Variants in CAPRIN1 observed in about 807,000 individuals in gnomAD.
CAPRIN1 encodes the protein cell cycle associated protein 1.
In CAPRIN1, 29 loss-of-function variants were observed where a neutral mutation model predicts 100.9. That is an observed-to-expected ratio of 0.29 (90% CI 0.21 to 0.39). The LOEUF is 0.39. Ranked by LOEUF, CAPRIN1 falls within the 10% of genes least tolerant of loss-of-function variation. CAPRIN1 has a pLI of 1.00. For synonymous variants in CAPRIN1, 338 were observed against 307.5 expected, an observed-to-expected ratio of 1.10 and a Z score of -1.04; for missense variants, 795 against 876.7, an observed-to-expected ratio of 0.91 and a Z score of 1.18.
chr11:34,056,774 C>T (rs192362858), intron 2 of CAPRIN1, among the ~76,000 whole-genome samples: 2 of 152,224 alleles, frequency 1.3e-5, no homozygotes, highest in East Asian at 1.9e-4. Flanking sequence ...TTGTTATATT[C>T]TTTGTGAATA....
intron 2 of CAPRIN1, chr11:34,055,761 C>A (rs1850436543): frequency 6.6e-6 from 1 of 152,088 alleles, no homozygotes; most frequent in Non-Finnish European, 1.5e-5. Context: ...TTTCTGTCTT[C>A]TCAGTGTTTT....
chr11:34,074,376 T>A (rs1485400134), intron 4 of CAPRIN1, among the ~76,000 whole-genome samples: 1 of 152,244 alleles, frequency 6.6e-6, no homozygotes, highest in Non-Finnish European at 1.5e-5. Context: ...TTATCTTTGA[T>A]CCTTTGGTAT....
intron 9 of CAPRIN1, among the ~76,000 whole-genome samples, chr11:34,085,505 C>T (rs1161796736): frequency 6.6e-6 from 1 of 152,146 alleles, no homozygotes; most frequent in Non-Finnish European, 1.5e-5. Flanking sequence ...TTGAAAGCAG[C>T]TTATAAAATA....
At chr11:34,067,776 G>A (rs1239753841) in intron 2 of CAPRIN1, among the ~76,000 whole-genome samples, 1 of 152,172 alleles carries the variant, frequency 6.6e-6, no homozygotes, top group Non-Finnish European at 1.5e-5. Flanking sequence ...TGGGATTGCA[G>A]GCCTGAGCAA....
rs769545592 is a variant in CAPRIN1 at position 34,071,945 on chromosome 11, T to C, written c.324T>C (p.Phe108=). 9 of 1,613,382 alleles carry C rather than the reference T, an allele frequency of 5.6e-6. No homozygotes were observed. Among genetic ancestry groups the C allele is most frequent in the Non-Finnish European group, 5.1e-6 (6 of 1,179,624 alleles). Residue 108 remains phenylalanine, a synonymous_variant, in exon 4 of 19, where the codon TTT becomes TTC. Transcript: ENST00000341394. ...KYQEVTNNLE[F]AKELQRSFMA... ...AGGAAGTCACAAATAATTTGGAGTT[T>C]GCAAAAGAATTACAGAGGAGTTTCA...
At chr11:34,074,449 C>T (rs987361532) in intron 4 of CAPRIN1, among the ~76,000 whole-genome samples, 1 of 152,218 alleles carries the variant, frequency 6.6e-6, no homozygotes, top group Non-Finnish European at 1.5e-5. Flanking sequence ...AGCCTGGCTC[C>T]AGCCTACCTT....
At chr11:34,056,130 A>G (rs1054652523) in intron 2 of CAPRIN1, among the ~76,000 whole-genome samples, 2 of 152,180 alleles carry the variant, frequency 1.3e-5, no homozygotes, top group Admixed American at 1.3e-4. Flanking sequence ...GTGAGGTACT[A>G]TTTACAATTA....
At chr11:34,059,572 A>G (rs1850530392) in intron 2 of CAPRIN1, among the ~76,000 whole-genome samples, 1 of 152,128 alleles carries the variant, frequency 6.6e-6, no homozygotes, top group Non-Finnish European at 1.5e-5. Flanking sequence ...TTAACCTTAC[A>G]TGTTTTTCTA....
intron 18 of CAPRIN1, chr11:34,098,618 A>AT (rs1851406071): frequency 1.7e-5 from 17 of 985,274 alleles, no homozygotes; most frequent in Non-Finnish European, 2.0e-5. Context: ...AAAAAGGTAC[A>AT]TTTTTCTAAA....
At chr11:34,061,219 T>TTTTTA (rs1254352421) in intron 2 of CAPRIN1, among the ~76,000 whole-genome samples, 7 of 148,656 alleles carry the variant, frequency 4.7e-5, no homozygotes, top group Non-Finnish European at 1.0e-4. Context: ...TTTTTTTTTT[T>TTTTTA]TTTTGAGATG....
chr11:34,055,667 A>G (rs988436022), intron 2 of CAPRIN1: 24 of 152,218 alleles, frequency 1.6e-4, no homozygotes, highest in African/African-American at 5.3e-4. Flanking sequence ...TAATTATTAC[A>G]TAGGTTATTA....
rs1302650308 is a variant in CAPRIN1, at chr11:34,097,274, G to A, written c.1979G>A (p.Arg660Gln). 7.4e-6 allele frequency: 12 copies of A among 1,613,006 alleles called. No homozygotes were observed. The highest frequency in any genetic ancestry group is 2.2e-5 in the East Asian group (1 of 44,878). ...ACACAGTCTCAGTTCAGTGCTCCCC[G>A]GGATTACTCTGGCTATCAACGGGTA... ...GYTQSQFSAP[R>Q]DYSGYQRDGY... The change falls in exon 17 of 19, where the codon CGG becomes CAG. Residue 660 changes from arginine to glutamine, a missense_variant. By Grantham distance (43) the Arg-to-Gln change is conservative. Coordinates refer to ENST00000341394, the MANE Select transcript of CAPRIN1 (RefSeq NM_005898.5).
chr11:34,098,988 A>T (rs1414491907), intron 18 of CAPRIN1: 2 of 1,217,200 alleles, frequency 1.6e-6, no homozygotes, highest in Non-Finnish European at 2.1e-6. Flanking sequence ...TCTCTGCTGT[A>T]TCTATTCCCA....
intron 18 of CAPRIN1, 108 bp downstream of exon 18, chr11:34,097,869 T>C (rs1851395998): frequency 1.3e-6 from 2 of 1,554,714 alleles, no homozygotes; most frequent in East Asian, 2.3e-5. Flanking sequence ...CTTTCCAGAC[T>C]TGTTGCTAGG....
intron 2 of CAPRIN1, chr11:34,053,507 C>G (rs1199355602): frequency 6.6e-6 from 1 of 152,204 alleles, no homozygotes; most frequent in Non-Finnish European, 1.5e-5. Flanking sequence ...AAGCGCTTTA[C>G]TGGAGCTGCA....
chr11:34,086,359 C>A lies in CAPRIN1; in HGVS notation c.1177C>A (p.Gln393Lys). The change falls in exon 11 of 19, where the codon CAG becomes AAG. Residue 393 changes from glutamine (Q) to lysine (K), a missense_variant. Transcript: ENST00000341394. ...QTLDPAIVSA[Q>K]PMNPTQNMDM... ...ACTTGATCCTGCCATTGTATCTGCA[C>A]AGCCTATGAATCCAACACAAAACAT... is the stretch of plus-strand genomic sequence containing the variant. The A allele has an allele frequency of 6.2e-7, 1 of 1,613,990 alleles. No homozygotes were observed. Among genetic ancestry groups the A allele is most frequent in the Non-Finnish European group, 8.5e-7 (1 of 1,179,916 alleles).
In CAPRIN1 at chr11:34,089,377, T is replaced by C; in HGVS notation, c.1232-18T>C. On this transcript the variant is annotated intron_variant, in intron 11 of 18. Coordinates refer to ENST00000341394, the MANE Select transcript of CAPRIN1 (RefSeq NM_005898.5). ...AATTTAATTTTGTTTGACAAAAATG[T>C]TTTGGTCACCTTTGCAGTTCATTCT... 6.4e-7 allele frequency: 1 copy of C among 1,565,908 alleles called. No homozygotes were observed. Among genetic ancestry groups the C allele is most frequent in the Non-Finnish European group, 8.7e-7 (1 of 1,148,444 alleles).
rs141846137 is a variant in CAPRIN1 at position 34,075,064 on chromosome 11, T to C, written c.367-1172T>C. Reference sequence around the variant, plus strand: ...TTTTTAAAAAAGACTTTTTTTTTTTTCTTGAGACAGTCTCACTGTTTCACC... The same window carrying C: ...TTTTTAAAAAAGACTTTTTTTTTTTCCTTGAGACAGTCTCACTGTTTCACC... On this transcript the variant is annotated intron_variant, in intron 4 of 18. Coordinates refer to ENST00000341394, the MANE Select transcript of CAPRIN1 (RefSeq NM_005898.5). Among the ~76,000 whole-genome samples the C allele has an allele frequency of 4.3e-3, 658 of 152,168 alleles. 6 individuals carry two copies. Among genetic ancestry groups the C allele is most frequent in the African/African-American group, 0.015 (619 of 41,510 alleles).
In CAPRIN1 at chr11:34,096,490, T is replaced by G; in HGVS notation, c.1717T>G (p.Tyr573Asp). 1 of 1,613,746 alleles carries G rather than the reference T, an allele frequency of 6.2e-7. No individual in the cohort carries two copies. The highest frequency in any genetic ancestry group is 8.5e-7 in the Non-Finnish European group (1 of 1,179,730). The part of the protein sequence containing the change: ...QEQLQTVVGT[Y>D]HGSPDQSHQV... ...TTTTTAAATTATAGTGGTTGGCACT[T>G]ACCATGGTTCCCCAGACCAGTCCCA... Residue 573 changes from tyrosine (Y) to aspartate (D), a missense_variant, in exon 16 of 19, where the codon TAC (tyrosine) becomes GAC (aspartate). Tyr to Asp is a radical substitution (Grantham distance 160, BLOSUM62 -3). Transcript: ENST00000341394.
Sources: allele counts gnomAD v4.1 joint callset (sites outside exome capture counted in the v4.1 genomes callset), GRCh38; gene constraint gnomAD v4.1.1; transcripts MANE v1.5; gene names NCBI Gene and HGNC (gene_info 2026-07-23, HGNC 2026-07-21).